Variants in CUX1 observed in about 807,000 individuals in gnomAD.
CUX1 encodes the protein cut like homeobox 1.
Under a neutral mutation model 158.8 loss-of-function variants are expected in CUX1, and 31 were observed. That is an observed-to-expected ratio of 0.20 (90% CI 0.15 to 0.26). The LOEUF is 0.26. Among genes scored for constraint, CUX1 ranks in the 10% least tolerant of loss-of-function variants. The pLI is 1.00. For missense variants in CUX1, 1,589 were observed against 2,014.6 expected, an observed-to-expected ratio of 0.79 and a Z score of 4.04; for synonymous variants, 879 against 862.1, an observed-to-expected ratio of 1.02 and a Z score of -0.34.
chr7:102,212,003 G>C (rs2132149369), intron 20 of CUX1, among the ~76,000 whole-genome samples: 1 of 152,244 alleles, frequency 6.6e-6, no homozygotes, highest in South Asian at 2.1e-4. Context: ...GTGATGTATA[G>C]GGATCACTCA....
chr7:101,853,852 C>G (rs1487293375), intron 1 of CUX1, among the ~76,000 whole-genome samples: 1 of 152,108 alleles, frequency 6.6e-6, no homozygotes, highest in Non-Finnish European at 1.5e-5. Flanking sequence ...TCACTCAGCC[C>G]CCTGCCCATG....
At chr7:101,918,359 G>C (rs1438870477) in intron 2 of CUX1, among the ~76,000 whole-genome samples, 1 of 152,234 alleles carries the variant, frequency 6.6e-6, no homozygotes, top group African/African-American at 2.4e-5. Context: ...CCAATAAATG[G>C]AAGAGGCTTG....
chr7:102,132,680 C>CTTTTTTTT (rs1174779466), intron 8 of CUX1, among the ~76,000 whole-genome samples: 30 of 115,184 alleles, frequency 2.6e-4, no homozygotes, highest in Non-Finnish European at 3.9e-4. Context: ...CTTTGCTTTT[C>CTTTTTTTT]TTTTTTTTTT....
chr7:102,189,975 G>C, intron 12 of CUX1, 104 bp downstream of exon 12: 2 of 1,225,710 alleles, frequency 1.6e-6, no homozygotes, highest in South Asian at 1.3e-5. Context: ...CCTGCCCTCT[G>C]GCTCAGCAGA....
chr7:102,182,645 G>A (rs1793218937), intron 11 of CUX1, among the ~76,000 whole-genome samples: 1 of 152,204 alleles, frequency 6.6e-6, no homozygotes, highest in African/African-American at 2.4e-5. Flanking sequence ...TCTGACAAGT[G>A]CTTAAGCATA....
rs782580660 is a variant in CUX1, at chr7:102,106,079, CTTTTTTT to C, written c.530+1640_530+1646del. On this transcript the variant is annotated intron_variant, in intron 6 of 23. Coordinates refer to ENST00000292535, the MANE Select transcript of CUX1 (RefSeq NM_181552.4). The stretch of plus-strand genomic sequence containing the variant: ...AATACTTGGTGAACTTTTCTTTTTT[CTTTTTTT>C]TTTTTTTTTTTTTTTTTTTGAGATG... Among the ~76,000 whole-genome samples the C allele has an allele frequency of 3.0e-4, 22 of 72,264 alleles. 1 individual carries two copies. Among genetic ancestry groups the C allele is most frequent in the South Asian group, 2.3e-3 (4 of 1,734 alleles). 47.4% of individuals were successfully genotyped at this position (72,264 alleles called of 152,430 possible). A position where few individuals can be genotyped will look rare whatever the true frequency, so the allele number is the denominator to read the frequency against.
At chr7:102,103,428 TCTCTCTCA>T (rs782758218) in intron 5 of CUX1, among the ~76,000 whole-genome samples, 4 of 109,410 alleles carry the variant, frequency 3.7e-5, no homozygotes, top group Non-Finnish European at 4.1e-5. Context: ...TCTCTCTCTC[TCTCTCTCA>T]CTCACTCACT....
At chr7:102,101,528 T>A (rs1829774565) in intron 5 of CUX1, among the ~76,000 whole-genome samples, 1 of 152,120 alleles carries the variant, frequency 6.6e-6, no homozygotes, top group Admixed American at 6.5e-5. Context: ...ACTGTCGAGG[T>A]CACACACTGT....
rs563753063 is a variant in CUX1, at chr7:102,253,274, T to C, written c.*4232T>C. 4 of 985,454 alleles carry C rather than the reference T, an allele frequency of 4.1e-6. No individual in the cohort carries two copies. The highest frequency in any genetic ancestry group is 1.7e-5 in the African/African-American group (1 of 57,254). 61.0% of individuals were successfully genotyped at this position (985,454 alleles called of 1,614,324 possible). A position where few individuals can be genotyped will look rare whatever the true frequency, so the allele number is the denominator to read the frequency against. The stretch of plus-strand genomic sequence containing the variant: ...CCCAAGCCCAGGTGGCCAGCTCTCA[T>C]ACCCCATCTCCCTCCTTGGCCAGGG... On this transcript the variant is annotated 3_prime_UTR_variant, in exon 24 of 24. Transcript: ENST00000292535.
intron 21 of CUX1, among the ~76,000 whole-genome samples, chr7:102,228,827 A>G (rs1413069011): frequency 1.3e-5 from 2 of 152,104 alleles, no homozygotes; most frequent in Admixed American, 6.6e-5. Flanking sequence ...CACCCATTAG[A>G]GCCTGGCATC....
chr7:102,271,452 T>A (rs2906708), intron 14 of CUX1, among the ~76,000 whole-genome samples: 151,656 of 152,314 alleles, frequency 1, 75,501 homozygotes, highest in East Asian at 1. Flanking sequence ...CCTAAGCATG[T>A]GTGGCCGGCT....
At chr7:101,931,946 T>G (rs1806340459) in intron 2 of CUX1, among the ~76,000 whole-genome samples, 1 of 152,222 alleles carries the variant, frequency 6.6e-6, no homozygotes, top group East Asian at 1.9e-4. Context: ...TTTTCAAGTT[T>G]TGATTGATTG....
chr7:102,250,493 G>C lies in CUX1; in HGVS notation c.*1451G>C. The C allele has an allele frequency of 1.0e-6, 1 of 985,464 alleles. No homozygotes were observed. Among genetic ancestry groups the C allele is most frequent in the Non-Finnish European group, 1.2e-6 (1 of 829,984 alleles). The allele number at this position is 985,464 out of a possible 1,614,324, so 61.0% of individuals were successfully genotyped here. On this transcript the variant is annotated 3_prime_UTR_variant, in exon 24 of 24. Coordinates refer to ENST00000292535, the MANE Select transcript of CUX1 (RefSeq NM_181552.4). ...CTTTCCCTTTTTCTTCCCACCGCAAGCACTGATGACCCTGTTGAACTCGTG... is the reference window on the plus strand; with the variant it reads ...CTTTCCCTTTTTCTTCCCACCGCAACCACTGATGACCCTGTTGAACTCGTG...
At chr7:101,974,886 G>T (rs1812449098) in intron 2 of CUX1, among the ~76,000 whole-genome samples, 1 of 152,100 alleles carries the variant, frequency 6.6e-6, no homozygotes, top group Non-Finnish European at 1.5e-5. Context: ...GTGGGCAGAG[G>T]GAGGTCTGGG....
At chr7:102,126,687 C>A (rs1832674850) in intron 8 of CUX1, among the ~76,000 whole-genome samples, 2 of 152,140 alleles carry the variant, frequency 1.3e-5, no homozygotes, top group Non-Finnish European at 2.9e-5. Context: ...CACAGCTGTC[C>A]CCAACCTTGT....
At position 102,043,325 on chromosome 7, in the gene CUX1, G is replaced by GTA. The variant is rs1247780760; in HGVS notation, c.189+15181_189+15182insAT. On this transcript the variant is annotated intron_variant, in intron 3 of 23. Transcript: ENST00000292535. ...CTGACAACATACCCATTAGCTCACT[G>GTA]TGTGTGTGTGTGTGTGTGTGTGTGT... 5.9e-4 allele frequency among the ~76,000 whole-genome samples: 53 copies of GTA among 89,270 alleles called. No homozygotes were observed. In the South Asian group the frequency reaches 0.016, roughly 28 times the overall value. The allele number at this position is 89,270 out of a possible 152,430, so 58.6% of individuals were successfully genotyped here. A position where few individuals can be genotyped will look rare whatever the true frequency, so the allele number is the denominator to read the frequency against.
At chr7:102,236,116 A>C (rs2132456275) in intron 22 of CUX1, among the ~76,000 whole-genome samples, 1 of 152,344 alleles carries the variant, frequency 6.6e-6, no homozygotes, top group East Asian at 1.9e-4. Context: ...AGATTTCAAT[A>C]GCTCCTATCA....
Position 102,178,872 on chromosome 7 carries a change from C to CT in CUX1, c.1017+224dup, listed in dbSNP as rs141365164. ...GCCCTTGTGTAAACAGCATTTCCCT[C>CT]TTTTTTTTTGGAGTCGGAGTCTCGC... On this transcript the variant is annotated intron_variant, in intron 11 of 23. Coordinates refer to ENST00000292535, the MANE Select transcript of CUX1 (RefSeq NM_181552.4). 7.5e-4 allele frequency among the ~76,000 whole-genome samples: 113 copies of CT among 151,480 alleles called. 1 individual carries two copies. Among genetic ancestry groups the CT allele is most frequent in the Middle Eastern group, 3.4e-3 (1 of 292 alleles).
chr7:101,943,918 A>C (rs967026352), intron 2 of CUX1, among the ~76,000 whole-genome samples: 3 of 150,758 alleles, frequency 2.0e-5, no homozygotes, highest in African/African-American at 4.9e-5. Context: ...CAGGAGTTTG[A>C]GACCAGCCTG....
Sources: gnomAD v4.1 joint callset for allele counts (sites outside exome capture counted in the v4.1 genomes callset) on GRCh38, gnomAD v4.1.1 for gene constraint, MANE v1.5 for transcripts, NCBI Gene and HGNC (gene_info 2026-07-23, HGNC 2026-07-21) for gene names.